The following MRTFA variants were observed in gnomAD, a reference collection of about 807,000 sequenced individuals.
MRTFA encodes myocardin related transcription factor A.
MRTFA carries 20 observed loss-of-function variants against 83.5 expected under a neutral mutation model. The ratio of observed to expected loss-of-function variants is 0.24; its 90% CI spans 0.17 to 0.35. The LOEUF (loss-of-function observed/expected upper bound fraction) is 0.35. MRTFA is among the 10% of genes least tolerant of loss of function. The pLI is 1.00. For missense variants in MRTFA, 1,200 were observed against 1,224.7 expected, an observed-to-expected ratio of 0.98 and a Z score of 0.30; for synonymous variants, 659 against 541.2, an observed-to-expected ratio of 1.22 and a Z score of -3.02.
chr22:40,596,399 T>C (rs2056192669), intron 1 of MRTFA, among the ~76,000 whole-genome samples: 1 of 152,300 alleles, frequency 6.6e-6, no homozygotes. Context: ...TGGTTACATA[T>C]ACCCTCAAAC....
At chr22:40,583,298 G>C (rs767203420) in intron 2 of MRTFA, among the ~76,000 whole-genome samples, 1 of 152,000 alleles carries the variant, frequency 6.6e-6, no homozygotes, top group Non-Finnish European at 1.5e-5. Context: ...ATGACACTAG[G>C]GGCCCAGCTC....
intron 3 of MRTFA, among the ~76,000 whole-genome samples, chr22:40,503,791 G>A (rs371186156): frequency 1.1e-4 from 17 of 152,090 alleles, no homozygotes; most frequent in South Asian, 2.1e-4. Flanking sequence ...GCATGGTGGC[G>A]CATGCCTGTA....
intron 2 of MRTFA, among the ~76,000 whole-genome samples, chr22:40,594,297 C>A (rs2056160830): frequency 6.6e-6 from 1 of 152,168 alleles, no homozygotes; most frequent in South Asian, 2.1e-4. Flanking sequence ...GCTAGCCTAC[C>A]ATTACCCACC....
chr22:40,591,590 G>A (rs979447902), intron 2 of MRTFA, among the ~76,000 whole-genome samples: 1 of 152,090 alleles, frequency 6.6e-6, no homozygotes, highest in African/African-American at 2.4e-5. Flanking sequence ...CTGGGGTATT[G>A]GAAATGTAAT....
At chr22:40,565,864 G>A (rs1334507933) in intron 2 of MRTFA, among the ~76,000 whole-genome samples, 2 of 152,126 alleles carry the variant, frequency 1.3e-5, no homozygotes, top group Non-Finnish European at 2.9e-5. Flanking sequence ...TTATAAATGA[G>A]GCACTGTATG....
rs41276309 is a variant in MRTFA, at chr22:40,411,167, G to T, written c.*223C>A. On this transcript the variant is annotated 3_prime_UTR_variant, in exon 15 of 15. Transcript: ENST00000355630. ...CTGACCGTGTGTCCAAAACCCCAGC[G>T]TGAGAGCCAGGGCTGCTTCTTGACA... The T allele has an allele frequency of 4.6e-6, 2 of 435,670 alleles. No individual in the cohort carries two copies. Among genetic ancestry groups the T allele is most frequent in the Non-Finnish European group, 8.0e-6 (2 of 251,068 alleles). 27.0% of individuals were successfully genotyped at this position (435,670 alleles called of 1,614,324 possible).
intron 3 of MRTFA, among the ~76,000 whole-genome samples, chr22:40,483,717 G>C (rs993391623): frequency 6.6e-6 from 1 of 151,670 alleles, no homozygotes; most frequent in African/African-American, 2.4e-5. Context: ...AAAATAAAAA[G>C]ATAGGTCTCA....
At chr22:40,448,624 T>C (rs141015150) in intron 4 of MRTFA, among the ~76,000 whole-genome samples, 123 of 152,302 alleles carry the variant, frequency 8.1e-4, no homozygotes, top group African/African-American at 2.9e-3. Flanking sequence ...TTCTCTAATA[T>C]TGGCAATGAG....
chr22:40,530,844 T>C (rs1332061595), intron 3 of MRTFA, among the ~76,000 whole-genome samples: 2 of 152,228 alleles, frequency 1.3e-5, no homozygotes, highest in Non-Finnish European at 2.9e-5. Flanking sequence ...AGAAGATTCA[T>C]TTCTTAATAT....
chr22:40,616,177 C>T (rs1418430105), intron 1 of MRTFA, among the ~76,000 whole-genome samples: 1 of 152,190 alleles, frequency 6.6e-6, no homozygotes, highest in Non-Finnish European at 1.5e-5. Context: ...TCAAAGTCTA[C>T]ACTCCTTCAT....
chr22:40,551,386 TGAGATA>T (rs2055442131), intron 3 of MRTFA, among the ~76,000 whole-genome samples: 1 of 152,082 alleles, frequency 6.6e-6, no homozygotes. Flanking sequence ...TTTGTTTATT[TGAGATA>T]GAGTCTCATT....
rs531800537 is a variant in MRTFA, at chr22:40,418,582, G to A, written c.2156C>T (p.Pro719Leu). Residue 719 changes from proline (P) to leucine (L), a missense_variant, in exon 12 of 15, where the codon CCG becomes CTG. Pro to Leu is a moderately conservative substitution (Grantham distance 98). This residue lies in a region of MRTFA where 1,107 missense variants were observed against 1,041.8 expected (regional missense o/e 1.06). Coordinates refer to ENST00000355630, the MANE Select transcript of MRTFA (RefSeq NM_020831.6). ...GGCTTCCTGCTTCACCACCACGGAC[G>A]GGGGCCCCGGGGCCACAGCACAAGG... 2.7e-5 allele frequency: 42 copies of A among 1,549,858 alleles called. No individual in the cohort carries two copies. The highest frequency in any genetic ancestry group is 5.5e-5 in the African/African-American group (4 of 72,674).
chr22:40,512,220 C>T (rs1396798827), intron 3 of MRTFA, among the ~76,000 whole-genome samples: 3 of 152,034 alleles, frequency 2.0e-5, no homozygotes, highest in Non-Finnish European at 4.4e-5. Context: ...TTTTGCTATC[C>T]AAGAGTGTCC....
At chr22:40,619,485 A>G (rs1216421872) in intron 1 of MRTFA, among the ~76,000 whole-genome samples, 2 of 152,212 alleles carry the variant, frequency 1.3e-5, no homozygotes, top group African/African-American at 4.8e-5. Flanking sequence ...ATTTTTAAGC[A>G]AGGAATTTGG....
rs184341033 is a variant in MRTFA at position 40,410,781 on chromosome 22, C to T, written c.*609G>A. ...AGTTGCACCCATCTCCTGTCCGCCCCCCCCCAAAAATATATATGTATGTCG... is the reference window on the plus strand; with the variant it reads ...AGTTGCACCCATCTCCTGTCCGCCCTCCCCCAAAAATATATATGTATGTCG... On this transcript the variant is annotated 3_prime_UTR_variant, in exon 15 of 15. Coordinates refer to ENST00000355630, the MANE Select transcript of MRTFA (RefSeq NM_020831.6). 4.2e-4 allele frequency: 98 copies of T among 232,896 alleles called. No homozygotes were observed. Among genetic ancestry groups the T allele is most frequent in the Non-Finnish European group, 7.0e-4 (82 of 117,932 alleles). 14.4% of individuals were successfully genotyped at this position (232,896 alleles called of 1,614,324 possible).
intron 3 of MRTFA, chr22:40,519,531 T>C: frequency 7.4e-7 from 1 of 1,350,770 alleles, no homozygotes; most frequent in South Asian, 1.2e-5. Context: ...AACCTCCTTG[T>C]GTCCAAACTG....
intron 4 of MRTFA, among the ~76,000 whole-genome samples, chr22:40,436,841 G>A (rs1194526590): frequency 6.6e-6 from 1 of 152,160 alleles, no homozygotes; most frequent in Admixed American, 6.5e-5. Flanking sequence ...GCTGGCTGCG[G>A]TAGGAGTGCA....
intron 3 of MRTFA, among the ~76,000 whole-genome samples, chr22:40,497,957 A>C (rs777504699): frequency 2.6e-5 from 4 of 151,818 alleles, no homozygotes; most frequent in Admixed American, 6.6e-5. Context: ...AACATGGCAA[A>C]ACTCAGTCTC....
chr22:40,412,554 T>C (rs958924523), intron 14 of MRTFA: 4 of 152,150 alleles, frequency 2.6e-5, no homozygotes, highest in Non-Finnish European at 5.9e-5. Context: ...TTCACAACAG[T>C]AGAATGTGGA....
Sources: allele counts gnomAD v4.1 joint callset (sites outside exome capture counted in the v4.1 genomes callset), GRCh38; gene constraint gnomAD v4.1.1; regional missense constraint gnomAD v4.1.1; transcripts MANE v1.5; gene names NCBI Gene and HGNC (gene_info 2026-07-23, HGNC 2026-07-21).